The following RPAP1 variants were observed in gnomAD, a reference collection of about 807,000 sequenced individuals.
The protein encoded by RPAP1 is RNA polymerase II-associated protein 1.
Under a neutral mutation model 142.4 loss-of-function variants are expected in RPAP1, and 109 were observed. That is an observed-to-expected ratio of 0.77 (90% CI 0.66 to 0.90). The LOEUF (loss-of-function observed/expected upper bound fraction) is 0.90. Ranked by LOEUF, RPAP1 falls within the 40% of genes least tolerant of loss-of-function variation. RPAP1 has a pLI of 0.00. For missense variants in RPAP1, 1,546 were observed against 1,751.7 expected (o/e 0.88, Z 2.10); for synonymous variants, 704 against 738.9 (o/e 0.95, Z 0.77).
At chr15:41,521,336 G>A (rs900166355) in intron 21 of RPAP1, among the ~76,000 whole-genome samples, 189 bp from the exon 22 acceptor site, 1 of 152,232 alleles carries the variant, frequency 6.6e-6, no homozygotes, top group Non-Finnish European at 1.5e-5. Context: ...CTAGGCATGA[G>A]TTTACATAAC....
At chr15:41,523,450 A>C in intron 17 of RPAP1, 96 bp from the exon 18 acceptor site, 1 of 831,794 alleles carries the variant, frequency 1.2e-6, no homozygotes, top group Non-Finnish European at 1.9e-6. Context: ...AACAGCCCAA[A>C]AGAGCACATT....
chr15:41,532,973 C>T (rs181135536), intron 6 of RPAP1, among the ~76,000 whole-genome samples: 27 of 85,302 alleles, frequency 3.2e-4, no homozygotes, highest in African/African-American at 8.5e-4. Context: ...AGCGAGACTC[C>T]GTCTCAAAAA....
intron 19 of RPAP1, 130 bp from the exon 20 acceptor site, chr15:41,522,380 C>T (rs1027163325): frequency 2.3e-6 from 2 of 857,618 alleles, no homozygotes; most frequent in African/African-American, 1.7e-5. Context: ...CCATGGGACA[C>T]CCTCCCACTT....
intron 6 of RPAP1, among the ~76,000 whole-genome samples, chr15:41,531,627 A>ATATATATAT (rs1438810409): frequency 1.8e-4 from 4 of 22,030 alleles, no homozygotes; most frequent in African/African-American, 6.5e-4. Context: ...ATATATATAT[A>ATATATATAT]TTTTTTTTTT....
intron 1 of RPAP1, among the ~76,000 whole-genome samples, chr15:41,538,776 A>G (rs1212372304): frequency 6.6e-6 from 1 of 152,230 alleles, no homozygotes; most frequent in East Asian, 1.9e-4. Context: ...TAACATAGAG[A>G]CCTTACATTT....
At chr15:41,524,066 C>G (rs2051762499) in intron 16 of RPAP1, 30 bp downstream of exon 16, 4 of 1,596,054 alleles carry the variant, frequency 2.5e-6, no homozygotes, top group Non-Finnish European at 3.4e-6. Context: ...GAGCCCTCCA[C>G]CTGTCCTGTG....
In RPAP1 at chr15:41,522,682, GCCCAT is replaced by G. The variant is rs1566883890; in HGVS notation, c.2742+78_2742+82del. Reference sequence around the variant, plus strand: ...TGGGATTACAGGCGTGAGCCACCGCGCCCATCCCACCCTCCCACTTTCTTTCTGAT... The same window carrying G: ...TGGGATTACAGGCGTGAGCCACCGCGCCCACCCTCCCACTTTCTTTCTGAT... On this transcript the variant is annotated intron_variant, in intron 19 of 24. Transcript: ENST00000304330. 3.6e-6 allele frequency: 3 copies of G among 837,860 alleles called. 1 individual carries two copies. The highest frequency in any genetic ancestry group is 5.1e-4 in the Middle Eastern group (2 of 3,938). The allele number at this position is 837,860 out of a possible 1,614,324, so 51.9% of individuals were successfully genotyped here. A position where few individuals can be genotyped will look rare whatever the true frequency, so the allele number is the denominator to read the frequency against.
Position 41,529,587 on chromosome 15 carries a change from G to C in RPAP1, c.1060-19C>G. The C allele has an allele frequency of 1.3e-6, 2 of 1,574,962 alleles. No individual in the cohort carries two copies. Among genetic ancestry groups the C allele is most frequent in the Non-Finnish European group, 1.7e-6 (2 of 1,147,302 alleles). ...GCATCCTCTAATGGGAAGAGAAAGA[G>C]GACTGTGGTCTGGGGGCTCCAGCAA... On this transcript the variant is annotated intron_variant, in intron 8 of 24. Coordinates refer to ENST00000304330, the MANE Select transcript of RPAP1 (RefSeq NM_015540.4).
intron 1 of RPAP1, among the ~76,000 whole-genome samples, chr15:41,537,857 T>C (rs1434464912): frequency 2.2e-4 from 30 of 138,116 alleles, no homozygotes; most frequent in Admixed American, 1.6e-4. Context: ...CACTCCAGCC[T>C]GGGCAACAAG....
Position 41,523,911 on chromosome 15 carries a change from C to T in RPAP1, c.2296G>A (p.Gly766Arg). Reference sequence around the variant, plus strand: ...CACGGCTCAACAAGAGGCTGGAGCCCAGACACCTGTGTCCAAGTGACTAAG... The same window carrying T: ...CACGGCTCAACAAGAGGCTGGAGCCTAGACACCTGTGTCCAAGTGACTAAG... Reference protein sequence around the residue: ...PSLVTWTQVSGLQPLVEPCLR... With the variant: ...PSLVTWTQVSRLQPLVEPCLR... Residue 766 changes from glycine (G) to arginine (R), a missense_variant, in exon 17 of 25, where the codon GGG (glycine) becomes AGG (arginine). Physicochemically the swap from Gly to Arg is moderately radical, Grantham distance 125 (BLOSUM62 -2). Coordinates refer to ENST00000304330, the MANE Select transcript of RPAP1 (RefSeq NM_015540.4). 1 of 1,608,594 alleles carries T rather than the reference C, an allele frequency of 6.2e-7. No individual in the cohort carries two copies. The highest frequency in any genetic ancestry group is 8.5e-7 in the Non-Finnish European group (1 of 1,177,352).
intron 15 of RPAP1, 111 bp from the exon 16 acceptor site, chr15:41,524,365 GA>G (rs2051766826): frequency 2.2e-6 from 2 of 902,424 alleles, no homozygotes; most frequent in African/African-American, 3.3e-5. Flanking sequence ...GGATGAGGAG[GA>G]AGAGTGGGGC....
At chr15:41,531,627 A>ATTTTTTT (rs150550154) in intron 6 of RPAP1, among the ~76,000 whole-genome samples, 2 of 22,030 alleles carry the variant, frequency 9.1e-5, no homozygotes, top group African/African-American at 4.3e-4. Flanking sequence ...ATATATATAT[A>ATTTTTTT]TTTTTTTTTT....
chr15:41,517,651 G>C lies in RPAP1; in HGVS notation c.4073C>G (p.Ser1358Cys). 6.2e-7 allele frequency: 1 copy of C among 1,612,742 alleles called. No homozygotes were observed. Among genetic ancestry groups the C allele is most frequent in the South Asian group, 1.1e-5 (1 of 90,914 alleles). The change falls in exon 25 of 25, where the codon TCC (serine) becomes TGC (cysteine). Residue 1358 changes from serine to cysteine, a missense_variant. Ser to Cys is a moderately radical substitution (Grantham distance 112). Coordinates refer to ENST00000304330, the MANE Select transcript of RPAP1 (RefSeq NM_015540.4). The stretch of plus-strand genomic sequence containing the variant: ...GAGCTCAAAGCCCTCTGGGAGCGTG[G>C]AATTGGGAAGCTTATAGTGCAGGAG... ...QHLLHYKLPN[S>C]TLPEGFELYS...
Position 41,517,574 on chromosome 15 carries a change from T to G in RPAP1, c.4150A>C (p.Thr1384Pro). 6.3e-7 allele frequency: 1 copy of G among 1,595,796 alleles called. No individual in the cohort carries two copies. Among genetic ancestry groups the G allele is most frequent in the South Asian group, 1.1e-5 (1 of 88,410 alleles). The change falls in exon 25 of 25, where the codon ACA becomes CCA. Residue 1384 changes from threonine to proline, a missense_variant. Thr to Pro is a conservative substitution (Grantham distance 38, BLOSUM62 -1). Coordinates refer to ENST00000304330, the MANE Select transcript of RPAP1 (RefSeq NM_015540.4). ...RQHYLQRLTS[T>P]VLQNGVSET The stretch of plus-strand genomic sequence containing the variant: ...TCTGATACCCCATTTTGGAGCACTG[T>G]TGAAGTCAGTCTCTGGAGGTAGTGC...
At position 41,520,967 on chromosome 15, in the gene RPAP1, G is replaced by T; in HGVS notation, c.3219C>A (p.Ser1073=). ...GTAGCTCCCCTCGGTGCAGAGCCTGGGAGGCCAGCAGACTGGCTCGGGCTG... is the reference window on the plus strand; with the variant it reads ...GTAGCTCCCCTCGGTGCAGAGCCTGTGAGGCCAGCAGACTGGCTCGGGCTG... ...CSPARASLLA[S]QALHRGELQR... The change falls in exon 22 of 25, where the codon TCC becomes TCA. Residue 1073 remains serine, a synonymous_variant. Transcript: ENST00000304330. 1.2e-6 allele frequency: 2 copies of T among 1,610,210 alleles called. No homozygotes were observed. The highest frequency in any genetic ancestry group is 1.7e-6 in the Non-Finnish European group (2 of 1,178,036).
At chr15:41,521,614 A>G in intron 21 of RPAP1, 124 bp downstream of exon 21, 1 of 1,063,646 alleles carries the variant, frequency 9.4e-7, no homozygotes, top group Non-Finnish European at 1.3e-6. Context: ...AGCTCGGAAG[A>G]GTTAAGTGTC....
At position 41,534,583 on chromosome 15, in the gene RPAP1, CAAAAAAAAAAAAA is replaced by C. The variant is rs764568682; in HGVS notation, c.763+118_763+130del. 8.4e-5 allele frequency: 15 copies of C among 179,572 alleles called. No homozygotes were observed. The Admixed American group carries it at 9.3e-4, about 11-fold the overall frequency. The allele number at this position is 179,572 out of a possible 1,614,324, so 11.1% of individuals were successfully genotyped here. A position where few individuals can be genotyped will look rare whatever the true frequency, so the allele number is the denominator to read the frequency against. On this transcript the variant is annotated intron_variant, in intron 6 of 24. Transcript: ENST00000304330. ...CCTGGGTGACAGAGCAAGACCATCT[CAAAAAAAAAAAAA>C]AAAAAAAAAAAAGCATTAAAGTACT...
intron 1 of RPAP1, among the ~76,000 whole-genome samples, chr15:41,539,050 G>A (rs925464923): frequency 3.3e-5 from 5 of 152,160 alleles, no homozygotes; most frequent in Admixed American, 6.5e-5. Flanking sequence ...GGTATGGAGC[G>A]TCTTTTTGGA....
intron 1 of RPAP1, among the ~76,000 whole-genome samples, chr15:41,543,449 G>A (rs1203611368): frequency 2.0e-5 from 3 of 152,148 alleles, no homozygotes; most frequent in Non-Finnish European, 4.4e-5. Context: ...CTGATCTCAG[G>A]TGACCCGCCC....
Sources: gnomAD v4.1 joint callset for allele counts (sites outside exome capture counted in the v4.1 genomes callset) on GRCh38, gnomAD v4.1.1 for gene constraint, MANE v1.5 for transcripts, NCBI Gene and HGNC (gene_info 2026-07-23, HGNC 2026-07-21) for gene names.